The following AIG1 variants were observed in gnomAD, a reference collection of about 807,000 sequenced individuals.
AIG1 encodes androgen induced 1, also known as androgen-induced gene 1 protein.
In AIG1, 23 loss-of-function variants were observed where a neutral mutation model predicts 31.4. The ratio of observed to expected loss-of-function variants is 0.73; its 90% confidence interval spans 0.53 to 1.04. The LOEUF (loss-of-function observed/expected upper bound fraction) is 1.04. AIG1 is among the 50% of genes least tolerant of loss of function. The pLI is 0.00. For missense variants in AIG1, 274 were observed against 295.0 expected, an observed-to-expected ratio of 0.93 and a Z score of 0.52; for synonymous variants, 100 against 110.5, an observed-to-expected ratio of 0.90 and a Z score of 0.60.
chr6:143,101,321 C>T lies in AIG1; in HGVS notation c.142-35514C>T, dbSNP rs539483267. ...GTATGAGTAGCCTGCAAGGATGATC[C>T]ACATCAACATTCACAACATTGTGTA... On this transcript the variant is annotated intron_variant, in intron 1 of 5. Coordinates refer to ENST00000357847, the MANE Select transcript of AIG1 (RefSeq NM_016108.4). Among the ~76,000 whole-genome samples, 6 of 151,970 alleles carry T rather than the reference C, an allele frequency of 3.9e-5. No individual in the cohort carries two copies. In the South Asian group the frequency reaches 1.3e-3, roughly 32 times the overall value.
At chr6:143,162,771 C>G (rs562202932) in intron 2 of AIG1, among the ~76,000 whole-genome samples, 189 of 152,274 alleles carry the variant, frequency 1.2e-3, no homozygotes, top group African/African-American at 4.5e-3. Flanking sequence ...ACACATTTAT[C>G]GCACAGTCTA....
intron 1 of AIG1, among the ~76,000 whole-genome samples, chr6:143,062,984 T>A (rs918504396): frequency 6.6e-6 from 1 of 152,184 alleles, no homozygotes; most frequent in African/African-American, 2.4e-5. Context: ...TTGCAGTAGA[T>A]GCTGTGTTGT....
At chr6:143,147,353 G>C (rs919410576) in intron 2 of AIG1, among the ~76,000 whole-genome samples, 3 of 152,162 alleles carry the variant, frequency 2.0e-5, no homozygotes, top group Admixed American at 6.5e-5. Context: ...TAGACACAAA[G>C]GAGTGGCATG....
At chr6:143,225,139 C>T (rs952074238) in intron 3 of AIG1, among the ~76,000 whole-genome samples, 15 of 152,198 alleles carry the variant, frequency 9.9e-5, no homozygotes, top group African/African-American at 2.7e-4. Flanking sequence ...AGTCTTCCCT[C>T]CTGTCTCTGC....
intron 3 of AIG1, among the ~76,000 whole-genome samples, chr6:143,255,699 G>A (rs1283724105): frequency 6.6e-6 from 1 of 152,164 alleles, no homozygotes; most frequent in Non-Finnish European, 1.5e-5. Flanking sequence ...ATGTGTATAT[G>A]AGAGTATATG....
intron 4 of AIG1, among the ~76,000 whole-genome samples, chr6:143,311,169 C>G (rs1775243357): frequency 6.6e-6 from 1 of 151,902 alleles, no homozygotes; most frequent in Admixed American, 6.6e-5. Context: ...AGACACGTAT[C>G]TCTCATGAAC....
In AIG1 at chr6:143,168,923, G is replaced by A. The variant is rs74670824; in HGVS notation, c.399+3740G>A. Among the ~76,000 whole-genome samples, 1,429 of 151,892 alleles carry A rather than the reference G, an allele frequency of 9.4e-3. 8 individuals carry two copies. Among genetic ancestry groups the A allele is most frequent in the Non-Finnish European group, 0.014 (947 of 67,918 alleles). On this transcript the variant is annotated intron_variant, in intron 3 of 5. Transcript: ENST00000357847. ...TTTAGATTATTACTATCAGTAGAGC[G>A]AACATTTTGTGAAACTTTCCATTAT...
upstream of AIG1, chr6:143,060,366 C>G (rs931986422): frequency 5.7e-6 from 1 of 174,004 alleles, no homozygotes; most frequent in African/African-American, 2.4e-5. Flanking sequence ...GATCCCTCCG[C>G]ACGGGGCACC....
chr6:143,329,478 G>A lies in AIG1; in HGVS notation c.516-3804G>A, dbSNP rs1465544816. On this transcript the variant is annotated intron_variant, in intron 4 of 5. Coordinates refer to ENST00000357847, the MANE Select transcript of AIG1 (RefSeq NM_016108.4). The surrounding 1 kb of genome is among the most constrained non-coding windows in gnomAD (Gnocchi z 4.9). ...AACCTGAGAATTTCACATTACATTA[G>A]CAGCTCTGACATAGTCTCATTTATA... is the stretch of plus-strand genomic sequence containing the variant. Among the ~76,000 whole-genome samples the A allele has an allele frequency of 6.6e-6, 1 of 152,156 alleles. No homozygotes were observed. Among genetic ancestry groups the A allele is most frequent in the Non-Finnish European group, 1.5e-5 (1 of 68,034 alleles).
At chr6:143,089,237 G>A (rs1779084393) in intron 1 of AIG1, among the ~76,000 whole-genome samples, 1 of 151,542 alleles carries the variant, frequency 6.6e-6, no homozygotes, top group South Asian at 2.1e-4. Context: ...AGACTGCTTA[G>A]CAAAATATAC....
In AIG1 at chr6:143,225,936, T is replaced by C. The variant is rs56969503; in HGVS notation, c.400-58174T>C. On this transcript the variant is annotated intron_variant, in intron 3 of 5. Transcript: ENST00000357847. ...ATTGTTTTATAGTCAATAACACATA[T>C]ACTTTTTTTAAATAGCACATCTGTG... 4.7e-3 allele frequency among the ~76,000 whole-genome samples: 718 copies of C among 152,332 alleles called. 7 individuals carry two copies. Among genetic ancestry groups the C allele is most frequent in the African/African-American group, 0.016 (673 of 41,580 alleles).
At chr6:143,192,329 G>A (rs1013343836) in intron 3 of AIG1, among the ~76,000 whole-genome samples, 2 of 152,280 alleles carry the variant, frequency 1.3e-5, no homozygotes, top group Non-Finnish European at 2.9e-5. Context: ...CCTAGGCCAG[G>A]CATGGTGGCT....
chr6:143,113,865 C>T (rs1781506534), intron 1 of AIG1, among the ~76,000 whole-genome samples: 1 of 151,886 alleles, frequency 6.6e-6, no homozygotes, highest in Non-Finnish European at 1.5e-5. Context: ...AGCTCTGCCT[C>T]CCGGGTTCAT....
chr6:143,077,751 G>A (rs576695497), intron 1 of AIG1, among the ~76,000 whole-genome samples: 1 of 152,266 alleles, frequency 6.6e-6, no homozygotes, highest in East Asian at 1.9e-4. Context: ...GAAGTTTTCA[G>A]CCATTATTTC....
chr6:143,337,896 C>T, intron 5 of AIG1: 1 of 398,654 alleles, frequency 2.5e-6, no homozygotes. Flanking sequence ...TAGGTTTCTT[C>T]CTGCCCTTTG....
At chr6:143,171,525 TTTAA>T (rs1226384062) in intron 3 of AIG1, among the ~76,000 whole-genome samples, 1 of 130,258 alleles carries the variant, frequency 7.7e-6, no homozygotes, top group African/African-American at 2.9e-5. Flanking sequence ...AATATATATA[TTTAA>T]TATATATATT....
intron 3 of AIG1, among the ~76,000 whole-genome samples, chr6:143,251,123 G>A (rs1435318909): frequency 6.6e-6 from 1 of 152,206 alleles, no homozygotes; most frequent in African/African-American, 2.4e-5. Context: ...CGCAATCTCG[G>A]CTCACTGAGA....
rs1583608252 is a variant in AIG1 at position 143,244,288 on chromosome 6, G to A, written c.400-39822G>A. Among the ~76,000 whole-genome samples, 3 of 152,314 alleles carry A rather than the reference G, an allele frequency of 2.0e-5. No individual in the cohort carries two copies. The Middle Eastern group carries it at 0.01, about 518-fold the overall frequency. ...CAATCAAGGTAGACAAGGGGTGGAGGTAAATGGCATGGACTTTGCAGGTGC... is the reference window on the plus strand; with the variant it reads ...CAATCAAGGTAGACAAGGGGTGGAGATAAATGGCATGGACTTTGCAGGTGC... On this transcript the variant is annotated intron_variant, in intron 3 of 5. Transcript: ENST00000357847.
rs760701953 is a variant in AIG1 at position 143,136,838 on chromosome 6, A to G, written c.145A>G (p.Ile49Val). The stretch of plus-strand genomic sequence containing the variant: ...ACCGGCTGTTGTCCCCCTACAGGTT[A>G]TCCAGGCTGTCTTTTTTGGCATCTG... ...WKFLTFIDLV[I>V]QAVFFGICVL... is the part of the protein sequence containing the mutation. The change falls in exon 2 of 6, where the codon ATC becomes GTC. Residue 49 changes from isoleucine (I) to valine (V), a missense_variant. Ile to Val is a conservative substitution (Grantham distance 29, BLOSUM62 3). Coordinates refer to ENST00000357847, the MANE Select transcript of AIG1 (RefSeq NM_016108.4). 7.0e-7 allele frequency: 1 copy of G among 1,422,734 alleles called. No individual in the cohort carries two copies. The highest frequency in any genetic ancestry group is 9.3e-7 in the Non-Finnish European group (1 of 1,070,178). 88.1% of individuals were successfully genotyped at this position (1,422,734 alleles called of 1,614,324 possible).
Sources: allele counts gnomAD v4.1 joint callset (sites outside exome capture counted in the v4.1 genomes callset), GRCh38; gene constraint gnomAD v4.1.1; non-coding constraint Gnocchi (gnomAD v3.1); transcripts MANE v1.5; gene names NCBI Gene and HGNC (gene_info 2026-07-23, HGNC 2026-07-21).